The following EPHA3 variants were observed in gnomAD, a reference collection of about 807,000 sequenced individuals.
EPHA3 encodes EPH receptor A3, also known as ephrin type-A receptor 3.
EPHA3 carries 42 observed loss-of-function variants against 107.1 expected under a neutral mutation model. That is an observed-to-expected ratio of 0.39 (90% CI 0.31 to 0.51). EPHA3 has a LOEUF of 0.51. Among genes scored for constraint, EPHA3 ranks in the 20% least tolerant of loss-of-function variants. EPHA3 has a pLI of 0.78. For missense variants in EPHA3, 1,183 were observed against 1,211.2 expected (o/e 0.98, Z 0.35); for synonymous variants, 461 against 424.8 (o/e 1.09, Z -1.05).
chr3:89,264,311 A>G (rs1056750672), intron 3 of EPHA3, among the ~76,000 whole-genome samples: 2 of 152,110 alleles, frequency 1.3e-5, no homozygotes, highest in Non-Finnish European at 2.9e-5. Flanking sequence ...GCTGCTTGTC[A>G]CAAGCAAGTG....
intron 13 of EPHA3, among the ~76,000 whole-genome samples, chr3:89,435,770 T>A (rs1209894386): frequency 6.7e-6 from 1 of 150,158 alleles, no homozygotes; most frequent in African/African-American, 2.4e-5. Flanking sequence ...CTGGCCAACA[T>A]GGTGAAACCC....
rs1211863735 is a variant in EPHA3 at position 89,209,975 on chromosome 3, A to C, written c.269A>C (p.Asn90Thr). The change falls in exon 3 of 17, where the codon AAC (asparagine) becomes ACC (threonine). Residue 90 changes from asparagine to threonine, a missense_variant. Physicochemically the swap from Asn to Thr is moderately conservative, Grantham distance 65. Coordinates refer to ENST00000336596, the MANE Select transcript of EPHA3 (RefSeq NM_005233.6). ...CTGAGAACAAACTGGGTCCCCAGGA[A>C]CTCAGCTCAGAAGATTTATGTGGAG... ...NWLRTNWVPR[N>T]SAQKIYVELK... 6.2e-6 allele frequency: 10 copies of C among 1,613,862 alleles called. No individual in the cohort carries two copies. The highest frequency in any genetic ancestry group is 8.5e-6 in the Non-Finnish European group (10 of 1,179,942).
Position 89,450,340 on chromosome 3 carries a change from G to T in EPHA3, c.2660G>T (p.Ser887Ile), listed in dbSNP as rs745567462. ...ILDKLIRNPG[S>I]LKIITSAAAR... ...GACAAGCTTATCCGGAATCCCGGCA[G>T]CCTGAAGATCATCACCAGTGCAGCC... The change falls in exon 15 of 17, where the codon AGC becomes ATC. Residue 887 changes from serine (S) to isoleucine (I), a missense_variant. Ser to Ile is a moderately radical substitution (Grantham distance 142). Transcript: ENST00000336596. 6.2e-7 allele frequency: 1 copy of T among 1,613,482 alleles called. No homozygotes were observed.
intron 3 of EPHA3, among the ~76,000 whole-genome samples, chr3:89,214,863 G>A (rs951203409): frequency 4.0e-5 from 6 of 151,792 alleles, no homozygotes; most frequent in African/African-American, 1.2e-4. Context: ...ATTTAAGAAA[G>A]CATGATTTAG....
At chr3:89,178,120 T>C (rs1705358503) in intron 2 of EPHA3, among the ~76,000 whole-genome samples, 1 of 152,174 alleles carries the variant, frequency 6.6e-6, no homozygotes, top group African/African-American at 2.4e-5. Flanking sequence ...AGTCTTAAAG[T>C]GTTGATTACA....
chr3:89,143,970 A>C (rs1704484005), intron 2 of EPHA3, among the ~76,000 whole-genome samples: 1 of 151,638 alleles, frequency 6.6e-6, no homozygotes. Context: ...CAGAAAGTAC[A>C]GAGAGTTCAC....
intron 5 of EPHA3, among the ~76,000 whole-genome samples, chr3:89,352,601 C>A (rs1707852324): frequency 6.6e-6 from 1 of 150,886 alleles, no homozygotes; most frequent in Admixed American, 6.6e-5. Flanking sequence ...AGCCCTTTGA[C>A]TAAATTTAGA....
intron 15 of EPHA3, among the ~76,000 whole-genome samples, chr3:89,459,340 A>G (rs1204163545): frequency 6.6e-6 from 1 of 152,220 alleles, no homozygotes; most frequent in Non-Finnish European, 1.5e-5. Context: ...TAAAAGAATG[A>G]AAACAAAAGA....
At chr3:89,247,960 T>C (rs1297401802) in intron 3 of EPHA3, among the ~76,000 whole-genome samples, 1 of 152,178 alleles carries the variant, frequency 6.6e-6, no homozygotes, top group Non-Finnish European at 1.5e-5. Flanking sequence ...GTTCTTTGTC[T>C]ATTGTTTATG....
At chr3:89,352,923 A>AAAAAAAAAAAAAAAAT (rs1456880270) in intron 5 of EPHA3, among the ~76,000 whole-genome samples, 1 of 148,074 alleles carries the variant, frequency 6.8e-6, no homozygotes, top group African/African-American at 2.5e-5. Flanking sequence ...AAAAAAAAAA[A>AAAAAAAAAAAAAAAAT]GGAAAAAGAA....
intron 2 of EPHA3, among the ~76,000 whole-genome samples, chr3:89,192,834 C>A (rs1290015941): frequency 6.6e-6 from 1 of 151,974 alleles, no homozygotes; most frequent in Non-Finnish European, 1.5e-5. Context: ...CCATCCTGCT[C>A]CTAATTCAGA....
At chr3:89,357,588 G>T (rs1162812346) in intron 5 of EPHA3, among the ~76,000 whole-genome samples, 1 of 151,180 alleles carries the variant, frequency 6.6e-6, no homozygotes, top group African/African-American at 2.4e-5. Flanking sequence ...TGAAGTACAT[G>T]TTATGGATAT....
chr3:89,192,363 T>C (rs1705740109), intron 2 of EPHA3, among the ~76,000 whole-genome samples: 2 of 152,118 alleles, frequency 1.3e-5, no homozygotes, highest in South Asian at 2.1e-4. Flanking sequence ...TCCAGAGTTA[T>C]AGGAGTAAAA....
chr3:89,475,111 C>T (rs755596535), intron 16 of EPHA3, among the ~76,000 whole-genome samples: 1 of 152,156 alleles, frequency 6.6e-6, no homozygotes, highest in Non-Finnish European at 1.5e-5. Context: ...TAGTGTCATG[C>T]ACCTCATGCT....
At chr3:89,460,424 G>A (rs143732498) in intron 15 of EPHA3, among the ~76,000 whole-genome samples, 7 of 152,016 alleles carry the variant, frequency 4.6e-5, no homozygotes, top group Admixed American at 3.9e-4. Context: ...ATTATATTTA[G>A]TTAATTTAAT....
intron 5 of EPHA3, among the ~76,000 whole-genome samples, chr3:89,358,769 A>T (rs1398046236): frequency 6.6e-6 from 1 of 151,316 alleles, no homozygotes; most frequent in Admixed American, 6.6e-5. Flanking sequence ...ATTACACATG[A>T]TGCTAAAAAA....
At position 89,390,211 on chromosome 3, in the gene EPHA3, G is replaced by A. The variant is rs1175318076; in HGVS notation, c.1307-5626G>A. ...TTGCCATATTGGTCAAGCTGGTCTC[G>A]ACCTCCTGACCTCATGATTTGCCCA... On this transcript the variant is annotated intron_variant, in intron 5 of 16. Transcript: ENST00000336596. Among the ~76,000 whole-genome samples, 6 of 152,114 alleles carry A rather than the reference G, an allele frequency of 3.9e-5. No homozygotes were observed. In the East Asian group the frequency reaches 5.8e-4, roughly 15 times the overall value.
intron 2 of EPHA3, among the ~76,000 whole-genome samples, chr3:89,152,638 A>G (rs1704713556): frequency 6.6e-6 from 1 of 152,138 alleles, no homozygotes; most frequent in Non-Finnish European, 1.5e-5. Context: ...TTTTAAAAAG[A>G]ACGTGCTTAC....
chr3:89,394,108 C>T (rs1433740185), intron 5 of EPHA3, among the ~76,000 whole-genome samples: 1 of 152,062 alleles, frequency 6.6e-6, no homozygotes, highest in Non-Finnish European at 1.5e-5. Context: ...CTACATTTTT[C>T]CTTGGCAAAA....
Sources: allele counts gnomAD v4.1 joint callset (sites outside exome capture counted in the v4.1 genomes callset), GRCh38; gene constraint gnomAD v4.1.1; transcripts MANE v1.5; gene names NCBI Gene and HGNC (gene_info 2026-07-23, HGNC 2026-07-21).